Variants in PUS7 observed in about 807,000 individuals in gnomAD.
PUS7 encodes the protein pseudouridine synthase 7.
In PUS7, 48 loss-of-function variants were observed where a neutral mutation model predicts 79.8. The ratio of observed to expected loss-of-function variants is 0.60; its 90% CI spans 0.48 to 0.76. The LOEUF (loss-of-function observed/expected upper bound fraction) is 0.76. PUS7 is among the 30% of genes least tolerant of loss of function. The pLI, the probability that PUS7 is intolerant of heterozygous loss-of-function variation, is 0.00. For synonymous variants in PUS7, 286 were observed against 272.2 expected (o/e 1.05, Z -0.50); for missense variants, 729 against 797.6 (o/e 0.91, Z 1.04).
rs1407517488 is a variant in PUS7, at chr7:105,521,798, G to T, written c.-33+254C>A. 3.3e-5 allele frequency among the ~76,000 whole-genome samples: 5 copies of T among 152,216 alleles called. No homozygotes were observed. In the East Asian group the frequency reaches 9.7e-4, roughly 30 times the overall value. On this transcript the variant is annotated intron_variant, in intron 1 of 15. Coordinates refer to ENST00000469408, the MANE Select transcript of PUS7 (RefSeq NM_019042.5). ...CGCGGCGCCTCCGGACGACTGGCCG[G>T]GCAGAGCGGAGCGGGGAGCGGGGAG...
intron 1 of PUS7, among the ~76,000 whole-genome samples, chr7:105,520,430 T>G (rs558647200): frequency 1.1e-3 from 133 of 118,016 alleles, no homozygotes; most frequent in African/African-American, 3.5e-3. Context: ...CTGCAATACA[T>G]CTCCAGCCCT....
intron 9 of PUS7, among the ~76,000 whole-genome samples, chr7:105,473,237 G>T (rs1180447605): frequency 6.6e-6 from 1 of 151,900 alleles, no homozygotes; most frequent in East Asian, 1.9e-4. Flanking sequence ...TGATTATAAA[G>T]GTTATATGCT....
chr7:105,511,280 G>C (rs983028547), intron 1 of PUS7, among the ~76,000 whole-genome samples: 5 of 150,618 alleles, frequency 3.3e-5, no homozygotes, highest in African/African-American at 1.2e-4. Flanking sequence ...TGATTTGCCC[G>C]CCTCGGCCTC....
intron 2 of PUS7, among the ~76,000 whole-genome samples, chr7:105,507,604 C>T (rs1303639484): frequency 6.6e-6 from 1 of 151,510 alleles, no homozygotes; most frequent in African/African-American, 2.4e-5. Context: ...TGCAGTGGTG[C>T]AATCTCGGCT....
intron 9 of PUS7, among the ~76,000 whole-genome samples, chr7:105,475,221 T>C (rs1372286770): frequency 1.3e-5 from 2 of 152,170 alleles, no homozygotes; most frequent in Non-Finnish European, 2.9e-5. Context: ...AGTCTCGCTC[T>C]GTCACCCAGG....
At chr7:105,488,844 C>A (rs904671487) in intron 7 of PUS7, among the ~76,000 whole-genome samples, 5 of 152,184 alleles carry the variant, frequency 3.3e-5, no homozygotes, top group Middle Eastern at 3.4e-3. Flanking sequence ...CTACCTAGTT[C>A]TTTCTGTGTT....
intron 7 of PUS7, among the ~76,000 whole-genome samples, chr7:105,486,706 C>T (rs779070989): frequency 2.6e-5 from 4 of 151,890 alleles, no homozygotes; most frequent in Non-Finnish European, 4.4e-5. Flanking sequence ...GATGGTGCCA[C>T]AGAAGTGCCT....
intron 7 of PUS7, among the ~76,000 whole-genome samples, chr7:105,490,447 T>C (rs768060529): frequency 5.9e-5 from 9 of 152,168 alleles, no homozygotes; most frequent in Admixed American, 2.0e-4. Context: ...TGTGACTAAC[T>C]GGGTTCAGAC....
At chr7:105,512,638 C>T (rs1271910326) in intron 1 of PUS7, among the ~76,000 whole-genome samples, 1 of 152,162 alleles carries the variant, frequency 6.6e-6, no homozygotes, top group Non-Finnish European at 1.5e-5. Flanking sequence ...GGGGGTTAGA[C>T]ATACAAGGAG....
chr7:105,487,792 G>T (rs986846982), intron 7 of PUS7, among the ~76,000 whole-genome samples: 4 of 152,142 alleles, frequency 2.6e-5, no homozygotes, highest in Admixed American at 6.6e-5. Flanking sequence ...GCAGGAACAG[G>T]CAGGAAAAGA....
intron 5 of PUS7, among the ~76,000 whole-genome samples, chr7:105,498,909 G>C (rs1403589432): frequency 6.6e-6 from 1 of 152,188 alleles, no homozygotes; most frequent in African/African-American, 2.4e-5. Flanking sequence ...TTACAGGCGT[G>C]AGCCACTGCG....
At chr7:105,517,315 C>T (rs1825934043) in intron 1 of PUS7, among the ~76,000 whole-genome samples, 1 of 152,094 alleles carries the variant, frequency 6.6e-6, no homozygotes. Flanking sequence ...CATGCGCCAA[C>T]ACGCCTGGCT....
intron 9 of PUS7, among the ~76,000 whole-genome samples, chr7:105,479,774 G>A (rs541749000): frequency 6.6e-5 from 10 of 152,310 alleles, no homozygotes; most frequent in Admixed American, 2.6e-4. Flanking sequence ...AAGACGGGCA[G>A]ATCACTGGAG....
rs139766835 is a variant in PUS7, at chr7:105,461,698, C to A, written c.1757+923G>T. 4.6e-5 allele frequency among the ~76,000 whole-genome samples: 7 copies of A among 152,208 alleles called. No individual in the cohort carries two copies. In the East Asian group the frequency reaches 9.6e-4, roughly 21 times the overall value. On this transcript the variant is annotated intron_variant, in intron 14 of 15. Transcript: ENST00000469408. ...GGGACATGTTCTAACCCTTGTCAGG[C>A]ATTTCATCACCGTGTAAACATCACA...
intron 9 of PUS7, among the ~76,000 whole-genome samples, chr7:105,480,478 T>A (rs1177679430): frequency 2.0e-5 from 3 of 149,688 alleles, no homozygotes; most frequent in Non-Finnish European, 3.0e-5. Context: ...CTCAAAAAAA[T>A]AAAAAATAAA....
intron 1 of PUS7, among the ~76,000 whole-genome samples, chr7:105,508,909 G>T (rs1205683224): frequency 8.0e-6 from 1 of 125,464 alleles, no homozygotes; most frequent in African/African-American, 2.7e-5. Context: ...GGTCAGGCAC[G>T]GTGGCTCACA....
At chr7:105,496,988 C>G (rs776429896) in intron 5 of PUS7, 1 of 1,204,352 alleles carries the variant, frequency 8.3e-7, no homozygotes, top group South Asian at 1.5e-5. Context: ...AAATGCACAG[C>G]ATAAAGAGCA....
chr7:105,458,229 A>G (rs1395357411), intron 15 of PUS7, among the ~76,000 whole-genome samples: 2 of 152,150 alleles, frequency 1.3e-5, no homozygotes, highest in Non-Finnish European at 2.9e-5. Flanking sequence ...AAACAGAACA[A>G]GAATTTGATG....
rs1369766587 is a variant in PUS7, at chr7:105,456,704, TGGTGACAAA to T, written c.*1077_*1085del. On this transcript the variant is annotated 3_prime_UTR_variant, in exon 16 of 16. Coordinates refer to ENST00000469408, the MANE Select transcript of PUS7 (RefSeq NM_019042.5). ...CCAGACATGGAAATACCAAAGCCACTGGTGACAAAGGGTAAACGCTACTGATAGAAGAAA... is the reference window on the plus strand; with the variant it reads ...CCAGACATGGAAATACCAAAGCCACTGGGTAAACGCTACTGATAGAAGAAA... The T allele has an allele frequency of 6.6e-6, 1 of 152,156 alleles. No individual in the cohort carries two copies. Among genetic ancestry groups the T allele is most frequent in the Non-Finnish European group, 1.5e-5 (1 of 68,024 alleles). 9.4% of individuals were successfully genotyped at this position (152,156 alleles called of 1,614,324 possible).
Sources: allele counts gnomAD v4.1 joint callset (sites outside exome capture counted in the v4.1 genomes callset), GRCh38; gene constraint gnomAD v4.1.1; transcripts MANE v1.5; gene names NCBI Gene and HGNC (gene_info 2026-07-23, HGNC 2026-07-21).